Variants in ASPRV1 observed in about 807,000 individuals in gnomAD.
The protein encoded by ASPRV1 is aspartic peptidase retroviral like 1, also known as retroviral-like aspartic protease 1.
A neutral mutation model predicts 11.0 loss-of-function variants in ASPRV1; 7 were observed. That is an observed-to-expected ratio of 0.64 (90% confidence interval 0.36 to 1.20). ASPRV1 has a LOEUF of 1.20. Ranked by LOEUF, ASPRV1 falls within the 50% of genes most tolerant of loss-of-function variation. The pLI, the probability that ASPRV1 is intolerant of heterozygous loss-of-function variation, is 0.02. For synonymous variants in ASPRV1, 136 were observed against 138.4 expected (o/e 0.98, Z 0.12); for missense variants, 299 against 320.0 (o/e 0.93, Z 0.50).
At chr2:70,031,313 T>C in the ASPRV1 span, 3 of 152,222 alleles carry the variant, frequency 2.0e-5, no homozygotes, top group African/African-American at 4.8e-5. Context: ...AGGAGAACTA[T>C]ATAAAATTTA....
chr2:70,064,865 AGGCGGAACGTTTG>A, the ASPRV1 span, among the ~76,000 whole-genome samples: 1 of 151,134 alleles, frequency 6.6e-6, no homozygotes, highest in African/African-American at 2.4e-5. Context: ...AGGCCAAGGC[AGGCGGAACGTTTG>A]AGGTCAGGAG....
chr2:70,080,770 A>G, the ASPRV1 span: 1 of 152,360 alleles, frequency 6.6e-6, no homozygotes, highest in African/African-American at 2.4e-5. Context: ...AAACTGGATA[A>G]TGTAAACATC....
upstream of ASPRV1, chr2:69,964,457 T>C (rs1181319465): frequency 5.3e-6 from 2 of 377,582 alleles, no homozygotes; most frequent in Admixed American, 6.8e-5. Flanking sequence ...TAAAGGTCAG[T>C]TCTCAAGTTC....
chr2:70,068,965 A>T, the ASPRV1 span, among the ~76,000 whole-genome samples: 15 of 150,826 alleles, frequency 9.9e-5, no homozygotes, highest in African/African-American at 3.4e-4. Flanking sequence ...AAAAAAAAAA[A>T]AAAAGCCTTT....
chr2:70,057,097 A>G, the ASPRV1 span, among the ~76,000 whole-genome samples: 3 of 151,882 alleles, frequency 2.0e-5, no homozygotes, highest in African/African-American at 7.2e-5. Context: ...TCAGCAACAG[A>G]GAAGGATATT....
At chr2:70,026,600 A>G in the ASPRV1 span, among the ~76,000 whole-genome samples, 1 of 152,008 alleles carries the variant, frequency 6.6e-6, no homozygotes, top group Non-Finnish European at 1.5e-5. Flanking sequence ...TTCCACTAAC[A>G]ATAGCAAAAA....
the ASPRV1 span, chr2:70,070,179 C>CAAAAAAAAAAAAAAAAAAAAAAAAAAA: frequency 4.2e-5 from 2 of 47,114 alleles, 1 homozygote; most frequent in Non-Finnish European, 7.8e-5. Flanking sequence ...GACTCCATCT[C>CAAAAAAAAAAAAAAAAAAAAAAAAAAA]AAAAAAAAAA....
chr2:69,957,855 C>T (rs1677974560), downstream of ASPRV1, among the ~76,000 whole-genome samples: 1 of 152,142 alleles, frequency 6.6e-6, no homozygotes, highest in Admixed American at 6.5e-5. Context: ...AAAGGCTAAA[C>T]CTTCACACTG....
chr2:70,054,023 G>C, the ASPRV1 span: 1 of 152,278 alleles, frequency 6.6e-6, no homozygotes, highest in Admixed American at 6.5e-5. Context: ...TCAACACATA[G>C]GAAGCATGTT....
At chr2:69,938,313 A>G in the ASPRV1 span, 3 of 1,609,634 alleles carry the variant, frequency 1.9e-6, no homozygotes, top group Non-Finnish European at 2.5e-6. Context: ...TGTCTCCTTG[A>G]AGGTTCTCCC....
chr2:70,007,605 T>C, the ASPRV1 span, among the ~76,000 whole-genome samples: 1 of 151,014 alleles, frequency 6.6e-6, no homozygotes, highest in Non-Finnish European at 1.5e-5. Flanking sequence ...AATAGAAAAA[T>C]TGTGCTAAAT....
At chr2:70,024,420 T>A in the ASPRV1 span, among the ~76,000 whole-genome samples, 1 of 152,118 alleles carries the variant, frequency 6.6e-6, no homozygotes, top group Admixed American at 6.6e-5. Flanking sequence ...CACTCTGGTT[T>A]GGAAGGAAAG....
At chr2:70,024,955 T>C in the ASPRV1 span, among the ~76,000 whole-genome samples, 1 of 152,202 alleles carries the variant, frequency 6.6e-6, no homozygotes, top group Non-Finnish European at 1.5e-5. Context: ...GCCCTGGTAC[T>C]AGAGTTAATG....
At chr2:70,028,558 T>G in the ASPRV1 span, 4 of 152,278 alleles carry the variant, frequency 2.6e-5, no homozygotes, top group East Asian at 7.7e-4. Context: ...GTGCTGTGGT[T>G]TGAATGCATC....
chr2:70,033,115 A>G, the ASPRV1 span, among the ~76,000 whole-genome samples: 1 of 152,136 alleles, frequency 6.6e-6, no homozygotes, highest in Non-Finnish European at 1.5e-5. Context: ...TGCAAATCCC[A>G]GGAGCTAATG....
At chr2:70,014,796 CAAAAAAAA>C in the ASPRV1 span, among the ~76,000 whole-genome samples, 32 of 74,050 alleles carry the variant, frequency 4.3e-4, no homozygotes, top group Admixed American at 1.9e-3. Flanking sequence ...GACCTTGTCT[CAAAAAAAA>C]AAAAAAAAAA....
the ASPRV1 span, among the ~76,000 whole-genome samples, chr2:69,979,980 A>C: frequency 6.6e-6 from 1 of 152,324 alleles, no homozygotes; most frequent in South Asian, 2.1e-4. Flanking sequence ...TGAAAAAACT[A>C]GGGCTCAGAA....
chr2:69,998,866 G>A, the ASPRV1 span, among the ~76,000 whole-genome samples: 2 of 152,096 alleles, frequency 1.3e-5, no homozygotes, highest in African/African-American at 4.8e-5. Flanking sequence ...GCAGGGCTCC[G>A]GGCATGACTG....
At chr2:70,036,011 T>C in the ASPRV1 span, among the ~76,000 whole-genome samples, 1 of 151,378 alleles carries the variant, frequency 6.6e-6, no homozygotes, top group Non-Finnish European at 1.5e-5. Context: ...AGAAATGAAC[T>C]TTGAGGCTGA....
Sources: allele counts gnomAD v4.1 joint callset (sites outside exome capture counted in the v4.1 genomes callset), GRCh38; gene constraint gnomAD v4.1.1; transcripts MANE v1.5; gene names NCBI Gene and HGNC (gene_info 2026-07-23, HGNC 2026-07-21).